The following APOBEC3A variants were observed in gnomAD, a reference collection of about 807,000 sequenced individuals.
APOBEC3A encodes DNA dC->dU-editing enzyme APOBEC-3A.
A neutral mutation model predicts 23.0 loss-of-function variants in APOBEC3A; 13 were observed. The observed-to-expected ratio is 0.57, with a 90% CI of 0.37 to 0.90. The LOEUF (loss-of-function observed/expected upper bound fraction) is 0.90. APOBEC3A is among the 40% of genes least tolerant of loss of function. The pLI, the probability that APOBEC3A is intolerant of heterozygous loss-of-function variation, is 0.01. For synonymous variants in APOBEC3A, 74 were observed against 101.3 expected, an observed-to-expected ratio of 0.73 and a Z score of 1.62; for missense variants, 179 against 264.9, an observed-to-expected ratio of 0.68 and a Z score of 2.25.
chr22:38,958,769 C>CTTTTTCTTTCTTTCTTTCTTTCTT lies in APOBEC3A; in HGVS notation c.30-772_30-771insTTTTCTTTCTTTCTTTCTTTCTTT, dbSNP rs59598207. ...TTCCTTCCTTCCTCCATCTCTCTTT[C>CTTTTTCTTTCTTTCTTTCTTTCTT]TCTTTCTTTCTTTCTTTCTTTCTTT... On this transcript the variant is annotated intron_variant, in intron 1 of 4. Coordinates refer to ENST00000249116, the MANE Select transcript of APOBEC3A (RefSeq NM_145699.4). 3.7e-4 allele frequency among the ~76,000 whole-genome samples: 41 copies of CTTTTTCTTTCTTTCTTTCTTTCTT among 109,442 alleles called. 2 individuals carry two copies. Among genetic ancestry groups the CTTTTTCTTTCTTTCTTTCTTTCTT allele is most frequent in the South Asian group, 1.9e-3 (6 of 3,154 alleles). The allele number at this position is 109,442 out of a possible 152,430, so 71.8% of individuals were successfully genotyped here.
In APOBEC3A at chr22:38,962,957, C is replaced by CAAAA; in HGVS notation, c.*458_*461dup. On this transcript the variant is annotated 3_prime_UTR_variant, in exon 5 of 5. Coordinates refer to ENST00000249116, the MANE Select transcript of APOBEC3A (RefSeq NM_145699.4). ...TGGGCGACAGTACCAGACTCCATCT[C>CAAAA]AAAAAAAAAAAAACCAGACTGAATT... The CAAAA allele has an allele frequency of 6.8e-6, 1 of 146,348 alleles. No individual in the cohort carries two copies. The highest frequency in any genetic ancestry group is 1.4e-5 in the Non-Finnish European group (1 of 70,118). 9.1% of individuals were successfully genotyped at this position (146,348 alleles called of 1,614,324 possible). A position where few individuals can be genotyped will look rare whatever the true frequency, so the allele number is the denominator to read the frequency against.
In APOBEC3A at chr22:38,962,726, A is replaced by C. The variant is rs746653732; in HGVS notation, c.*217A>C. The C allele has an allele frequency of 6.3e-5, 76 of 1,211,494 alleles. 3 individuals carry two copies. Among genetic ancestry groups the C allele is most frequent in the Non-Finnish European group, 8.1e-5 (72 of 891,612 alleles). The allele number at this position is 1,211,494 out of a possible 1,614,324, so 75.0% of individuals were successfully genotyped here. A position where few individuals can be genotyped will look rare whatever the true frequency, so the allele number is the denominator to read the frequency against. Reference sequence around the variant, plus strand: ...TGTAATCCCAGCACTTTGGAGGCCAAGGCGGGTGGATCACGAGGTCAGGAG... The same window carrying C: ...TGTAATCCCAGCACTTTGGAGGCCACGGCGGGTGGATCACGAGGTCAGGAG... On this transcript the variant is annotated 3_prime_UTR_variant, in exon 5 of 5. Coordinates refer to ENST00000249116, the MANE Select transcript of APOBEC3A (RefSeq NM_145699.4).
chr22:38,959,951 A>G (rs1158022096), intron 2 of APOBEC3A, among the ~76,000 whole-genome samples: 1 of 152,138 alleles, frequency 6.6e-6, no homozygotes, highest in Non-Finnish European at 1.5e-5. Context: ...CTCACCAGGA[A>G]CAATTCAGCA....
chr22:38,959,533 T>G lies in APOBEC3A; in HGVS notation c.30-9T>G, dbSNP rs749941381. The G allele has an allele frequency of 1.2e-6, 2 of 1,612,590 alleles. No homozygotes were observed. Among genetic ancestry groups the G allele is most frequent in the South Asian group, 1.1e-5 (1 of 91,044 alleles). On this transcript the variant is annotated splice_polypyrimidine_tract_variant and intron_variant, in intron 1 of 4. Coordinates refer to ENST00000249116, the MANE Select transcript of APOBEC3A (RefSeq NM_145699.4). ...TTCCTCCTCTGGTCTTTTCCCTGGC[T>G]GTCCACAGACACTTGATGGATCCAC...
chr22:38,958,309 C>G (rs1922663437), intron 1 of APOBEC3A, among the ~76,000 whole-genome samples: 1 of 150,918 alleles, frequency 6.6e-6, no homozygotes, highest in Non-Finnish European at 1.5e-5. Flanking sequence ...TTCCTTCCTT[C>G]CTTCAATTCT....
Position 38,957,613 on chromosome 22 carries a change from G to A in APOBEC3A, c.-79G>A, listed in dbSNP as rs1893410959. 1 of 1,560,876 alleles carries A rather than the reference G, an allele frequency of 6.4e-7. No homozygotes were observed. The highest frequency in any genetic ancestry group is 8.7e-7 in the Non-Finnish European group (1 of 1,145,434). On this transcript the variant is annotated 5_prime_UTR_variant, in exon 1 of 5. It adds an upstream start codon to the 5' untranslated region. Coordinates refer to ENST00000249116, the MANE Select transcript of APOBEC3A (RefSeq NM_145699.4). ...GCTCCTGAATCCTAAGAGAATGTTG[G>A]TGAAGATCTTAACACCACGCCTTGA... is the stretch of plus-strand genomic sequence containing the variant.
intron 2 of APOBEC3A, among the ~76,000 whole-genome samples, chr22:38,959,900 C>T (rs1261191337): frequency 1.3e-5 from 2 of 152,182 alleles, no homozygotes; most frequent in Non-Finnish European, 2.9e-5. Context: ...TGGCAAAGTG[C>T]TTCCTGAGGA....
intron 4 of APOBEC3A, 33 bp from the exon 5 acceptor site, chr22:38,962,462 C>T (rs1202757550): frequency 9.4e-6 from 15 of 1,597,630 alleles, no homozygotes; most frequent in Non-Finnish European, 1.3e-5. Context: ...ACTCTCTCAC[C>T]TCCTGCTCCA....
At chr22:38,962,040 T>C in intron 3 of APOBEC3A, 58 bp from the exon 4 acceptor site, 1 of 1,567,822 alleles carries the variant, frequency 6.4e-7, no homozygotes, top group South Asian at 1.2e-5. Flanking sequence ...TCATGGGCCC[T>C]AGGTGCCACC....
chr22:38,958,881 G>A (rs1001254289), intron 1 of APOBEC3A, among the ~76,000 whole-genome samples: 6 of 134,480 alleles, frequency 4.5e-5, no homozygotes, highest in African/African-American at 1.8e-4. Context: ...CTTTTGTGCT[G>A]CCTCCCAACA....
At position 38,963,161 on chromosome 22, in the gene APOBEC3A, T is replaced by C. The variant is rs1922991708; in HGVS notation, c.*652T>C. 6.6e-6 allele frequency: 1 copy of C among 152,172 alleles called. No homozygotes were observed. Among genetic ancestry groups the C allele is most frequent in the Admixed American group, 6.6e-5 (1 of 15,126 alleles). 9.4% of individuals were successfully genotyped at this position (152,172 alleles called of 1,614,324 possible). A position where few individuals can be genotyped will look rare whatever the true frequency, so the allele number is the denominator to read the frequency against. ...TTTTGCTCAGTAACTGTGTCATGAATTGCAAGAGTTTCCACAAACACTAGC... is the reference window on the plus strand; with the variant it reads ...TTTTGCTCAGTAACTGTGTCATGAACTGCAAGAGTTTCCACAAACACTAGC... On this transcript the variant is annotated 3_prime_UTR_variant, in exon 5 of 5. Transcript: ENST00000249116.
rs191057273 is a variant in APOBEC3A at position 38,962,722 on chromosome 22, G to A, written c.*213G>A. 1,165 of 1,250,780 alleles carry A rather than the reference G, an allele frequency of 9.3e-4. 56 individuals are homozygous for A. In the African/African-American group the frequency reaches 0.016, roughly 17 times the overall value. The allele number at this position is 1,250,780 out of a possible 1,614,324, so 77.5% of individuals were successfully genotyped here. ...CGCCTGTAATCCCAGCACTTTGGAG[G>A]CCAAGGCGGGTGGATCACGAGGTCA... On this transcript the variant is annotated 3_prime_UTR_variant, in exon 5 of 5. Coordinates refer to ENST00000249116, the MANE Select transcript of APOBEC3A (RefSeq NM_145699.4).
At chr22:38,958,238 C>T (rs1248708411) in intron 1 of APOBEC3A, among the ~76,000 whole-genome samples, 3 of 152,270 alleles carry the variant, frequency 2.0e-5, no homozygotes, top group Admixed American at 2.0e-4. Flanking sequence ...CAGGTCTACT[C>T]GAAATGGTGG....
At chr22:38,958,285 T>C (rs1922660952) in intron 1 of APOBEC3A, among the ~76,000 whole-genome samples, 1 of 151,294 alleles carries the variant, frequency 6.6e-6, no homozygotes, top group Admixed American at 6.6e-5. Flanking sequence ...TTTCCTTCCT[T>C]CCTTCCTCCT....
intron 3 of APOBEC3A, 68 bp from the exon 4 acceptor site, chr22:38,962,030 T>A (rs1399778773): frequency 1.8e-5 from 28 of 1,552,100 alleles, no homozygotes; most frequent in Non-Finnish European, 1.9e-5. Context: ...GTCCTGAGAG[T>A]CATGGGCCCT....
Position 38,962,586 on chromosome 22 carries a change from C to T in APOBEC3A, c.*77C>T. On this transcript the variant is annotated 3_prime_UTR_variant, in exon 5 of 5. Coordinates refer to ENST00000249116, the MANE Select transcript of APOBEC3A (RefSeq NM_145699.4). ...ATAAAAGATCTTCTTCCAAGAAATG[C>T]AAACAGACCGTTCACCACCATCTCC... The T allele has an allele frequency of 6.3e-7, 1 of 1,576,942 alleles. No homozygotes were observed. The highest frequency in any genetic ancestry group is 1.1e-5 in the South Asian group (1 of 87,124).
chr22:38,959,657 G>T lies in APOBEC3A; in HGVS notation c.145G>T (p.Asp49Tyr). The change falls in exon 2 of 5, where the codon GAC (aspartate) becomes TAC (tyrosine). Residue 49 changes from aspartate (D) to tyrosine (Y), a missense_variant. Asp to Tyr is a radical substitution (Grantham distance 160). This residue lies in a region of APOBEC3A where 87 missense variants were observed against 74.5 expected (regional missense o/e 1.17). Transcript: ENST00000249116. ...GGACAATGGCACCTCGGTCAAGATG[G>T]ACCAGCACAGGGGCTTTCTACACAA... ...RLDNGTSVKM[D>Y]QHRGFLHNQA... is the part of the protein sequence containing the mutation. 6.2e-7 allele frequency: 1 copy of T among 1,613,988 alleles called. No individual in the cohort carries two copies. The highest frequency in any genetic ancestry group is 8.5e-7 in the Non-Finnish European group (1 of 1,179,976).
chr22:38,958,546 C>A (rs1922691476), intron 1 of APOBEC3A, among the ~76,000 whole-genome samples: 1 of 131,646 alleles, frequency 7.6e-6, no homozygotes. Context: ...TTCCTTCCTC[C>A]CTCCTTCCTT....
intron 1 of APOBEC3A, among the ~76,000 whole-genome samples, chr22:38,958,769 C>CTTTTTT (rs59598207): frequency 1.8e-5 from 2 of 109,408 alleles, no homozygotes; most frequent in Non-Finnish European, 3.6e-5. Context: ...ATCTCTCTTT[C>CTTTTTT]TCTTTCTTTC....
Sources: gnomAD v4.1 joint callset for allele counts (sites outside exome capture counted in the v4.1 genomes callset) on GRCh38, gnomAD v4.1.1 for gene constraint, gnomAD v4.1.1 regional missense constraint, MANE v1.5 for transcripts, NCBI Gene and HGNC (gene_info 2026-07-23, HGNC 2026-07-21) for gene names.